DYNC1I1: variants seen among roughly 807,000 people sequenced by gnomAD.
The protein encoded by DYNC1I1 is dynein cytoplasmic 1 intermediate chain 1.
DYNC1I1 carries 43 observed loss-of-function variants against 86.6 expected under a neutral mutation model. The ratio of observed to expected loss-of-function variants is 0.50; its 90% CI spans 0.39 to 0.64. The LOEUF (loss-of-function observed/expected upper bound fraction) is 0.64. Among genes scored for constraint, DYNC1I1 ranks in the 30% least tolerant of loss-of-function variants. The pLI is 0.00. For synonymous variants in DYNC1I1, 262 were observed against 283.7 expected (o/e 0.92, Z 0.77); for missense variants, 604 against 788.8 (o/e 0.77, Z 2.81).
At chr7:96,046,065 A>C (rs901382026) in intron 14 of DYNC1I1, among the ~76,000 whole-genome samples, 37 of 152,198 alleles carry the variant, frequency 2.4e-4, no homozygotes, top group African/African-American at 8.4e-4. Flanking sequence ...AACCACTGTC[A>C]GGGAAGACCA....
chr7:95,914,866 A>G (rs1791427849), intron 6 of DYNC1I1, among the ~76,000 whole-genome samples: 1 of 152,228 alleles, frequency 6.6e-6, no homozygotes, highest in African/African-American at 2.4e-5. Flanking sequence ...TTGAGTAATC[A>G]GAAGTCATGT....
chr7:95,958,303 CT>C (rs1469904614), intron 6 of DYNC1I1, among the ~76,000 whole-genome samples: 3 of 152,186 alleles, frequency 2.0e-5, no homozygotes, highest in African/African-American at 7.2e-5. Context: ...GAAAGGTATG[CT>C]TTACAGCCAG....
chr7:95,967,782 T>C (rs116484685), intron 6 of DYNC1I1, among the ~76,000 whole-genome samples: 261 of 152,232 alleles, frequency 1.7e-3, no homozygotes, highest in African/African-American at 5.9e-3. Flanking sequence ...TCATATTTTG[T>C]AACAGGAAAA....
intron 10 of DYNC1I1, among the ~76,000 whole-genome samples, chr7:96,018,801 G>A (rs1794467895): frequency 6.6e-6 from 1 of 152,174 alleles, no homozygotes; most frequent in South Asian, 2.1e-4. Context: ...CAGTTGGGCT[G>A]GTTGTGAAAA....
chr7:96,017,887 A>G (rs1401321037), intron 10 of DYNC1I1, among the ~76,000 whole-genome samples: 2 of 152,184 alleles, frequency 1.3e-5, no homozygotes, highest in Non-Finnish European at 2.9e-5. Flanking sequence ...GCTTGTCAGG[A>G]GTGATCCAAC....
At chr7:96,002,625 G>A (rs191697933) in intron 10 of DYNC1I1, among the ~76,000 whole-genome samples, 403 of 152,168 alleles carry the variant, frequency 2.6e-3, no homozygotes, top group African/African-American at 9.3e-3. Context: ...AAAATATGTA[G>A]CAATCTTTGT....
At chr7:95,818,756 G>A in intron 4 of DYNC1I1, 2 of 405,924 alleles carry the variant, frequency 4.9e-6, no homozygotes, top group Non-Finnish European at 8.7e-6. Context: ...CACCAGAGTA[G>A]CACTCTTAGC....
chr7:95,891,249 A>G lies in DYNC1I1; in HGVS notation c.490+21251A>G, dbSNP rs1367302130. Among the ~76,000 whole-genome samples, 3 of 152,232 alleles carry G rather than the reference A, an allele frequency of 2.0e-5. No homozygotes were observed. The East Asian group carries it at 5.8e-4, about 29-fold the overall frequency. Reference sequence around the variant, plus strand: ...TCTAGCCCCAAGACTACGAAGAAATATATTTCCGATGTTTGATCTCCCTAG... The same window carrying G: ...TCTAGCCCCAAGACTACGAAGAAATGTATTTCCGATGTTTGATCTCCCTAG... On this transcript the variant is annotated intron_variant, in intron 6 of 16. Coordinates refer to ENST00000447467, the MANE Select transcript of DYNC1I1 (RefSeq NM_001135556.2).
At chr7:96,022,482 T>C (rs1001287624) in intron 10 of DYNC1I1, among the ~76,000 whole-genome samples, 3 of 152,060 alleles carry the variant, frequency 2.0e-5, no homozygotes, top group African/African-American at 7.2e-5. Flanking sequence ...GTGATAACTT[T>C]TGATTGATGT....
chr7:95,895,539 C>G (rs568553221), intron 6 of DYNC1I1, among the ~76,000 whole-genome samples: 2 of 152,176 alleles, frequency 1.3e-5, no homozygotes, highest in Non-Finnish European at 2.9e-5. Context: ...CTTGAACCAC[C>G]ACTGCACTGT....
chr7:96,032,270 T>C (rs1430023328), intron 11 of DYNC1I1, among the ~76,000 whole-genome samples: 1 of 152,180 alleles, frequency 6.6e-6, no homozygotes, highest in Non-Finnish European at 1.5e-5. Context: ...CAAAAGTCAG[T>C]AGTTCTACCC....
downstream of DYNC1I1, among the ~76,000 whole-genome samples, chr7:96,100,917 A>C (rs1791125972): frequency 6.6e-6 from 1 of 152,192 alleles, no homozygotes; most frequent in Non-Finnish European, 1.5e-5. Context: ...GAACACCCAG[A>C]GTACACACCC....
intron 6 of DYNC1I1, among the ~76,000 whole-genome samples, chr7:95,942,088 T>C (rs1421955354): frequency 6.6e-6 from 1 of 151,470 alleles, no homozygotes; most frequent in Non-Finnish European, 1.5e-5. Context: ...CAGGAGCTGG[T>C]TTTTTGAAAG....
At chr7:96,106,263 T>C (rs1791211991) in intron 16 of DYNC1I1, among the ~76,000 whole-genome samples, 1 of 152,168 alleles carries the variant, frequency 6.6e-6, no homozygotes, top group Non-Finnish European at 1.5e-5. Context: ...GTGGGCACGG[T>C]GGCTCACACC....
intron 1 of DYNC1I1, 50 bp downstream of exon 1, chr7:95,772,823 T>A (rs2115590359): frequency 6.6e-6 from 1 of 151,980 alleles, no homozygotes; most frequent in African/African-American, 2.4e-5. Flanking sequence ...CCTCCGCACC[T>A]CTCCCCAACC....
intron 12 of DYNC1I1, among the ~76,000 whole-genome samples, chr7:96,035,288 G>A (rs926129713): frequency 2.6e-5 from 4 of 152,200 alleles, no homozygotes; most frequent in Non-Finnish European, 5.9e-5. Context: ...AAATACAAGG[G>A]TATTGTGTGT....
intron 10 of DYNC1I1, among the ~76,000 whole-genome samples, chr7:95,997,720 T>A (rs1793905429): frequency 6.6e-6 from 1 of 151,652 alleles, no homozygotes; most frequent in African/African-American, 2.4e-5. Flanking sequence ...GAAAATATAC[T>A]CGTGATTTTA....
intron 14 of DYNC1I1, among the ~76,000 whole-genome samples, chr7:96,056,432 T>C (rs1385652592): frequency 1.3e-5 from 2 of 152,318 alleles, no homozygotes; most frequent in East Asian, 3.9e-4. Context: ...GTCTATTTAT[T>C]GGGAAAATAG....
intron 6 of DYNC1I1, among the ~76,000 whole-genome samples, chr7:95,912,883 A>G (rs1180140465): frequency 6.6e-6 from 1 of 152,174 alleles, no homozygotes; most frequent in Admixed American, 6.5e-5. Flanking sequence ...GACTTCCTGT[A>G]TCTTAGTATT....
Sources: allele counts gnomAD v4.1 joint callset (sites outside exome capture counted in the v4.1 genomes callset), GRCh38; gene constraint gnomAD v4.1.1; transcripts MANE v1.5; gene names NCBI Gene and HGNC (gene_info 2026-07-23, HGNC 2026-07-21).